Variants in ELMO1 observed in about 807,000 individuals in gnomAD.
ELMO1 encodes the protein engulfment and cell motility 1.
Under a neutral mutation model 98.9 loss-of-function variants are expected in ELMO1, and 26 were observed. The ratio of observed to expected loss-of-function variants is 0.26; its 90% CI spans 0.19 to 0.36. ELMO1 has a LOEUF of 0.36. ELMO1 is among the 10% of genes least tolerant of loss of function. ELMO1 has a pLI of 1.00. For synonymous variants in ELMO1, 346 were observed against 346.0 expected, an observed-to-expected ratio of 1.00 and a Z score of 0.00; for missense variants, 627 against 935.2, an observed-to-expected ratio of 0.67 and a Z score of 4.30.
chr7:37,045,108 T>G (rs564887027), intron 15 of ELMO1, among the ~76,000 whole-genome samples: 1 of 152,258 alleles, frequency 6.6e-6, no homozygotes, highest in South Asian at 2.1e-4. Context: ...ATACTACCAG[T>G]AAAGACTGAA....
chr7:37,189,839 C>T (rs1791461241), intron 13 of ELMO1, among the ~76,000 whole-genome samples: 1 of 152,092 alleles, frequency 6.6e-6, no homozygotes, highest in South Asian at 2.1e-4. Flanking sequence ...CAGTCCCAAG[C>T]CACAATGCTG....
chr7:37,141,667 A>G (rs755602879), intron 13 of ELMO1, among the ~76,000 whole-genome samples: 13 of 152,226 alleles, frequency 8.5e-5, no homozygotes, highest in Non-Finnish European at 1.6e-4. Flanking sequence ...CTCATGATCC[A>G]GATAATTTGT....
intron 7 of ELMO1, among the ~76,000 whole-genome samples, chr7:37,240,416 T>C (rs531327088): frequency 6.6e-6 from 1 of 152,310 alleles, no homozygotes; most frequent in East Asian, 1.9e-4. Context: ...GTGTTGATAT[T>C]TGGATTTCTC....
intron 14 of ELMO1, among the ~76,000 whole-genome samples, chr7:37,105,338 G>GA (rs1270252485): frequency 4.6e-5 from 7 of 152,158 alleles, no homozygotes; most frequent in Non-Finnish European, 1.0e-4. Context: ...GGTATCAGGG[G>GA]CAATCCCCCA....
rs182778919 is a variant in ELMO1 at position 37,433,273 on chromosome 7, G to A, written c.-74+15402C>T. On this transcript the variant is annotated intron_variant, in intron 1 of 21. Transcript: ENST00000310758. ...GCTTCTGTCTGCAGACATACACTGA[G>A]TACTTCTTATGGGCTCAGCCTGGGA... is the stretch of plus-strand genomic sequence containing the variant. 1.3e-3 allele frequency among the ~76,000 whole-genome samples: 196 copies of A among 152,326 alleles called. 1 individual carries two copies. Among genetic ancestry groups the A allele is most frequent in the Non-Finnish European group, 2.4e-3 (164 of 68,036 alleles).
chr7:37,074,037 C>T (rs1180575877), intron 15 of ELMO1, among the ~76,000 whole-genome samples: 1 of 149,306 alleles, frequency 6.7e-6, no homozygotes, highest in African/African-American at 2.4e-5. Flanking sequence ...AATGAAAATA[C>T]TGATCTTCTC....
intron 15 of ELMO1, among the ~76,000 whole-genome samples, chr7:37,066,433 T>C (rs1398841929): frequency 6.6e-6 from 1 of 152,182 alleles, no homozygotes; most frequent in Non-Finnish European, 1.5e-5. Flanking sequence ...ATGCAGGCCC[T>C]TTCCTGGCTG....
intron 2 of ELMO1, among the ~76,000 whole-genome samples, chr7:37,334,149 AG>A (rs1223354788): frequency 6.6e-6 from 1 of 152,150 alleles, no homozygotes; most frequent in East Asian, 1.9e-4. Context: ...ATGTTTCATG[AG>A]TGATTCTGAT....
At chr7:37,111,808 A>C (rs1469178256) in intron 14 of ELMO1, among the ~76,000 whole-genome samples, 1 of 152,222 alleles carries the variant, frequency 6.6e-6, no homozygotes, top group Non-Finnish European at 1.5e-5. Flanking sequence ...GTAGAGCCCC[A>C]AGCTGCCAAG....
At chr7:37,043,911 G>A (rs1795662718) in intron 15 of ELMO1, among the ~76,000 whole-genome samples, 1 of 152,090 alleles carries the variant, frequency 6.6e-6, no homozygotes, top group Non-Finnish European at 1.5e-5. Flanking sequence ...AGGTTCATGA[G>A]CCAAGTTCCT....
At chr7:37,167,157 C>A (rs10274949) in intron 13 of ELMO1, among the ~76,000 whole-genome samples, 106,545 of 151,358 alleles carry the variant, frequency 0.7, 40,219 homozygotes, top group Non-Finnish European at 0.83. Flanking sequence ...ACTAGGATTC[C>A]AACCCCTGCC....
chr7:37,184,401 C>T (rs1791069114), intron 13 of ELMO1, among the ~76,000 whole-genome samples: 1 of 152,158 alleles, frequency 6.6e-6, no homozygotes, highest in African/African-American at 2.4e-5. Context: ...TAGGGGCACC[C>T]TCTCTGGCTA....
At chr7:37,321,577 C>T (rs1375919679) in intron 2 of ELMO1, among the ~76,000 whole-genome samples, 1 of 151,268 alleles carries the variant, frequency 6.6e-6, no homozygotes, top group Admixed American at 6.6e-5. Context: ...ATTAGCCGGG[C>T]GTGGTGGCGG....
At chr7:37,288,510 G>C (rs143078762) in intron 4 of ELMO1, among the ~76,000 whole-genome samples, 1 of 152,242 alleles carries the variant, frequency 6.6e-6, no homozygotes, top group Non-Finnish European at 1.5e-5. Flanking sequence ...CAGGCATGAG[G>C]ATTACATGCC....
At chr7:37,319,935 C>T (rs753035908) in intron 2 of ELMO1, among the ~76,000 whole-genome samples, 24 of 152,042 alleles carry the variant, frequency 1.6e-4, no homozygotes, top group Admixed American at 8.5e-4. Flanking sequence ...ACAAACTTTG[C>T]TCATATTACT....
intron 15 of ELMO1, among the ~76,000 whole-genome samples, chr7:37,020,448 C>T (rs1045663634): frequency 1.3e-5 from 2 of 152,146 alleles, no homozygotes; most frequent in African/African-American, 2.4e-5. Flanking sequence ...TTCTTTCTTT[C>T]GTAAGAAAAT....
chr7:37,162,029 G>A (rs1231205368), intron 13 of ELMO1, among the ~76,000 whole-genome samples: 1 of 146,748 alleles, frequency 6.8e-6, no homozygotes, highest in Non-Finnish European at 1.5e-5. Context: ...AAGGAAAGGA[G>A]GGAGAAAAAT....
rs138918680 is a variant in ELMO1 at position 37,028,719 on chromosome 7, A to C, written c.1301-15284T>G. ...CGCCTCAGCCTCCCAAGTACCTAGG[A>C]CTATAAGCATGTGCCACTACACCTA... On this transcript the variant is annotated intron_variant, in intron 15 of 21. Transcript: ENST00000310758. Among the ~76,000 whole-genome samples the C allele has an allele frequency of 9.1e-3, 1,389 of 152,264 alleles. 7 individuals carry two copies. The highest frequency in any genetic ancestry group is 0.014 in the Middle Eastern group (4 of 294).
intron 16 of ELMO1, chr7:37,002,189 G>A (rs951680735): frequency 6.6e-6 from 1 of 152,220 alleles, no homozygotes; most frequent in African/African-American, 2.4e-5. Flanking sequence ...AAGGTATGTA[G>A]TTCTCATGAT....
Sources: allele counts gnomAD v4.1 joint callset (sites outside exome capture counted in the v4.1 genomes callset), GRCh38; gene constraint gnomAD v4.1.1; transcripts MANE v1.5; gene names NCBI Gene and HGNC (gene_info 2026-07-23, HGNC 2026-07-21).